The following TPST2 variants were observed in gnomAD, a reference collection of about 807,000 sequenced individuals.
TPST2 encodes protein-tyrosine sulfotransferase 2.
Under a neutral mutation model 27.8 loss-of-function variants are expected in TPST2, and 16 were observed. The observed-to-expected ratio is 0.58, with a 90% confidence interval of 0.39 to 0.88. The LOEUF (loss-of-function observed/expected upper bound fraction) is 0.88. Ranked by LOEUF, TPST2 falls within the 40% of genes least tolerant of loss-of-function variation. TPST2 has a pLI of 0.00. For synonymous variants in TPST2, 229 were observed against 231.7 expected, an observed-to-expected ratio of 0.99 and a Z score of 0.10; for missense variants, 464 against 543.1, an observed-to-expected ratio of 0.85 and a Z score of 1.45.
intron 4 of TPST2, among the ~76,000 whole-genome samples, chr22:26,533,571 C>T (rs1480611373): frequency 6.6e-6 from 1 of 152,148 alleles, no homozygotes; most frequent in African/African-American, 2.4e-5. Context: ...GAAGTTAGAA[C>T]CACAACATTT....
chr22:26,542,144 C>A (rs961238168), intron 2 of TPST2, among the ~76,000 whole-genome samples: 2 of 149,878 alleles, frequency 1.3e-5, no homozygotes, highest in Admixed American at 6.7e-5. Context: ...CGGGAGGCTG[C>A]GGCAGGAGAA....
At chr22:26,544,392 G>C (rs1926013525) in intron 2 of TPST2, among the ~76,000 whole-genome samples, 1 of 152,160 alleles carries the variant, frequency 6.6e-6, no homozygotes, top group Admixed American at 6.5e-5. Context: ...TAATAGACAA[G>C]GAAGATGCTC....
At chr22:26,527,956 A>G (rs1569175128) in intron 6 of TPST2, among the ~76,000 whole-genome samples, 1 of 152,208 alleles carries the variant, frequency 6.6e-6, no homozygotes, top group Non-Finnish European at 1.5e-5. Flanking sequence ...CCAGTGTCAG[A>G]CAAACCTTTT....
intron 3 of TPST2, 62 bp downstream of exon 3, chr22:26,540,727 T>C: frequency 2.7e-6 from 4 of 1,469,184 alleles, no homozygotes; most frequent in East Asian, 2.3e-5. Context: ...GCTGATTTTC[T>C]TGCCTGGCGC....
In TPST2 at chr22:26,541,444, G is replaced by C. The variant is rs780434076; in HGVS notation, c.187C>G (p.Arg63Gly). The C allele has an allele frequency of 6.2e-7, 1 of 1,602,226 alleles. No homozygotes were observed. Among genetic ancestry groups the C allele is most frequent in the African/African-American group, 1.3e-5 (1 of 74,784 alleles). ...VMVGTNHVEY[R>G]YGKAMPLIFV... is the part of the protein sequence containing the mutation. Reference sequence around the variant, plus strand: ...ATGAGCGGCATGGCCTTGCCATAGCGGTATTCCACGTGGTTGGTGCCCACC... The same window carrying C: ...ATGAGCGGCATGGCCTTGCCATAGCCGTATTCCACGTGGTTGGTGCCCACC... Residue 63 changes from arginine to glycine, a missense_variant, in exon 3 of 7, where the codon CGC (arginine) becomes GGC (glycine). Arg to Gly is a moderately radical substitution (Grantham distance 125). Coordinates refer to ENST00000338754, the MANE Select transcript of TPST2 (RefSeq NM_003595.5). This position sits in a 1 kb window ranked among gnomAD's most constrained non-coding sequence, Gnocchi z 5.9.
chr22:26,573,965 A>G (rs1173494363), intron 1 of TPST2, among the ~76,000 whole-genome samples: 1 of 152,210 alleles, frequency 6.6e-6, no homozygotes, highest in Non-Finnish European at 1.5e-5. Flanking sequence ...AGCTGCTCAG[A>G]GTATGAACAC....
At chr22:26,560,848 C>T (rs535621177) in intron 1 of TPST2, 23 of 1,584,002 alleles carry the variant, frequency 1.5e-5, no homozygotes, top group South Asian at 1.3e-4. Flanking sequence ...TTCTGCTCTG[C>T]GTATCGCCCA....
At chr22:26,545,099 C>T (rs998285025) in intron 1 of TPST2, among the ~76,000 whole-genome samples, 1 of 152,188 alleles carries the variant, frequency 6.6e-6, no homozygotes, top group African/African-American at 2.4e-5. Flanking sequence ...AGGTTGTGGA[C>T]TGCACAATTC....
chr22:26,545,501 T>C (rs1379832963), intron 1 of TPST2, among the ~76,000 whole-genome samples: 1 of 152,212 alleles, frequency 6.6e-6, no homozygotes, highest in Admixed American at 6.5e-5. Flanking sequence ...TGCTGTGTCC[T>C]TACCATTTAG....
At chr22:26,574,585 G>A (rs1200902639) in intron 1 of TPST2, among the ~76,000 whole-genome samples, 1 of 152,172 alleles carries the variant, frequency 6.6e-6, no homozygotes, top group Non-Finnish European at 1.5e-5. Flanking sequence ...TTTGGGAGGC[G>A]ACTGGCTGGA....
chr22:26,558,120 TACAC>T lies in TPST2; in HGVS notation c.-160-13449_-160-13446del, dbSNP rs71192941. Among the ~76,000 whole-genome samples, 1,369 of 141,402 alleles carry T rather than the reference TACAC, an allele frequency of 9.7e-3. 33 individuals carry two copies. The highest frequency in any genetic ancestry group is 0.03 in the African/African-American group (1,125 of 37,820). 92.8% of individuals were successfully genotyped at this position (141,402 alleles called of 152,430 possible). ...AATTATTATATAAAAATATATATAA[TACAC>T]ACACACACACACACACACACACACA... On this transcript the variant is annotated intron_variant, in intron 1 of 6. Coordinates refer to ENST00000338754, the MANE Select transcript of TPST2 (RefSeq NM_003595.5).
In TPST2 at chr22:26,558,120, TACACACACACACACACACACAC is replaced by T. The variant is rs71192941; in HGVS notation, c.-160-13467_-160-13446del. Among the ~76,000 whole-genome samples the T allele has an allele frequency of 2.0e-3, 280 of 141,428 alleles. 3 individuals carry two copies. Among genetic ancestry groups the T allele is most frequent in the South Asian group, 3.8e-3 (17 of 4,486 alleles). 92.8% of individuals were successfully genotyped at this position (141,428 alleles called of 152,430 possible). On this transcript the variant is annotated intron_variant, in intron 1 of 6. Coordinates refer to ENST00000338754, the MANE Select transcript of TPST2 (RefSeq NM_003595.5). ...AATTATTATATAAAAATATATATAA[TACACACACACACACACACACAC>T]ACACACACACACACACACACACACA...
rs552860418 is a variant in TPST2 at position 26,560,789 on chromosome 22, G to A, written c.-160-16114C>T. The A allele has an allele frequency of 7.3e-5, 97 of 1,322,562 alleles. 1 individual carries two copies. The South Asian group carries it at 1.1e-3, about 15-fold the overall frequency. 81.9% of individuals were successfully genotyped at this position (1,322,562 alleles called of 1,614,324 possible). ...CTCCCAAAGGGGAGACAAAAAAGAAGTTCAAGGATCCGAATGCACCCAAGA... is the reference window on the plus strand; with the variant it reads ...CTCCCAAAGGGGAGACAAAAAAGAAATTCAAGGATCCGAATGCACCCAAGA... On this transcript the variant is annotated intron_variant, in intron 1 of 6. Transcript: ENST00000338754.
At chr22:26,530,436 T>A (rs1602249645) in intron 5 of TPST2, among the ~76,000 whole-genome samples, 2 of 152,136 alleles carry the variant, frequency 1.3e-5, no homozygotes, top group Non-Finnish European at 2.9e-5. Flanking sequence ...ATGGTTCCAA[T>A]TTTTGCAGTA....
At chr22:26,544,460 C>T in intron 2 of TPST2, 144 bp downstream of exon 2, 1 of 217,432 alleles carries the variant, frequency 4.6e-6, no homozygotes, top group Non-Finnish European at 7.8e-6. Flanking sequence ...TTCCAACCTG[C>T]TGGCTGAACA....
intron 3 of TPST2, among the ~76,000 whole-genome samples, chr22:26,537,998 T>C (rs1925570283): frequency 6.6e-6 from 1 of 152,198 alleles, no homozygotes; most frequent in South Asian, 2.1e-4. Context: ...GGAATAACCA[T>C]CATCTTCAAC....
intron 1 of TPST2, chr22:26,550,498 G>A (rs575809751): frequency 2.6e-6 from 2 of 764,902 alleles, no homozygotes; most frequent in South Asian, 1.2e-4. Context: ...CAGATCAGGA[G>A]GTTCCCAAGA....
chr22:26,549,698 A>G (rs1926352279), intron 1 of TPST2, among the ~76,000 whole-genome samples: 3 of 150,206 alleles, frequency 2.0e-5, no homozygotes, highest in African/African-American at 4.9e-5. Context: ...AGAAAAAAAA[A>G]ATAATCAGAT....
intron 1 of TPST2, among the ~76,000 whole-genome samples, chr22:26,567,265 T>C (rs1927417921): frequency 1.3e-5 from 2 of 152,192 alleles, no homozygotes; most frequent in Admixed American, 1.3e-4. Context: ...GCCCAGTTAG[T>C]GTTTCTGCTG....
Sources: gnomAD v4.1 joint callset for allele counts (sites outside exome capture counted in the v4.1 genomes callset) on GRCh38, gnomAD v4.1.1 for gene constraint, Gnocchi (gnomAD v3.1) non-coding constraint, MANE v1.5 for transcripts, NCBI Gene and HGNC (gene_info 2026-07-23, HGNC 2026-07-21) for gene names.